Variants in DCAF16 observed in about 807,000 individuals in gnomAD.
The protein encoded by DCAF16 is DDB1 and CUL4 associated factor 16, also known as DDB1- and CUL4-associated factor 16.
DCAF16 carries 10 observed loss-of-function variants against 17.3 expected under a neutral mutation model. The observed-to-expected ratio is 0.58, with a 90% confidence interval of 0.36 to 0.98. The LOEUF is 0.98. DCAF16 is among the 50% of genes least tolerant of loss of function. The pLI, the probability that DCAF16 is intolerant of heterozygous loss-of-function variation, is 0.01. For synonymous variants in DCAF16, 111 were observed against 92.8 expected (o/e 1.20, Z -1.12); for missense variants, 249 against 247.6 (o/e 1.01, Z -0.04).
intron 1 of DCAF16, among the ~76,000 whole-genome samples, chr4:17,807,891 G>A (rs1201803392): frequency 6.6e-6 from 1 of 152,186 alleles, no homozygotes; most frequent in African/African-American, 2.4e-5. Context: ...ATGGCTTCAG[G>A]TCAGCAATTT....
rs1219317942 is a variant in DCAF16, at chr4:17,805,117, G to C, written c.-641C>G. 1 of 145,024 alleles carries C rather than the reference G, an allele frequency of 6.9e-6. No individual in the cohort carries two copies. Among genetic ancestry groups the C allele is most frequent in the Non-Finnish European group, 1.5e-5 (1 of 66,934 alleles). The allele number at this position is 145,024 out of a possible 1,614,324, so 9.0% of individuals were successfully genotyped here. A position where few individuals can be genotyped will look rare whatever the true frequency, so the allele number is the denominator to read the frequency against. On this transcript the variant is annotated 5_prime_UTR_variant, in exon 2 of 3. Coordinates refer to ENST00000382247, the MANE Select transcript of DCAF16 (RefSeq NM_017741.4). ...TTTTTTTTTTTTTACCTTCAGAGGT[G>C]CTTGTTGGAATTAGTTTTAGGGGGC...
In DCAF16 at chr4:17,802,290, T is replaced by C. The variant is rs1719864601; in HGVS notation, c.*1201A>G. The C allele has an allele frequency of 6.6e-6, 1 of 152,588 alleles. No individual in the cohort carries two copies. Among genetic ancestry groups the C allele is most frequent in the South Asian group, 2.1e-4 (1 of 4,832 alleles). The allele number at this position is 152,588 out of a possible 1,614,324, so 9.5% of individuals were successfully genotyped here. A position where few individuals can be genotyped will look rare whatever the true frequency, so the allele number is the denominator to read the frequency against. On this transcript the variant is annotated 3_prime_UTR_variant, in exon 3 of 3. Coordinates refer to ENST00000382247, the MANE Select transcript of DCAF16 (RefSeq NM_017741.4). ...CATCTTTTGAAATGTTATTTACTCT[T>C]GACAAAAGTCTGAGTACCAAGATTC...
chr4:17,797,649 C>A (rs1719489718), downstream of DCAF16, among the ~76,000 whole-genome samples: 1 of 152,200 alleles, frequency 6.6e-6, no homozygotes, highest in Non-Finnish European at 1.5e-5. Flanking sequence ...AGTGGCTGCA[C>A]CCTTCTTTCA....
rs1046897035 is a variant in DCAF16, at chr4:17,800,887, C to T, written c.*2604G>A. ...AAACAAAAAAAAAGGAAACAGTTTCCTGTAACATTTTAGAAACCAGTTTCA... is the reference window on the plus strand; with the variant it reads ...AAACAAAAAAAAAGGAAACAGTTTCTTGTAACATTTTAGAAACCAGTTTCA... On this transcript the variant is annotated 3_prime_UTR_variant, in exon 3 of 3. Transcript: ENST00000382247. 3 of 152,560 alleles carry T rather than the reference C, an allele frequency of 2.0e-5. No individual in the cohort carries two copies. The highest frequency in any genetic ancestry group is 4.4e-5 in the Non-Finnish European group (3 of 68,018). 9.5% of individuals were successfully genotyped at this position (152,560 alleles called of 1,614,324 possible). A position where few individuals can be genotyped will look rare whatever the true frequency, so the allele number is the denominator to read the frequency against.
At chr4:17,809,632 GGA>G (rs2109033158) in intron 1 of DCAF16, 1 of 152,262 alleles carries the variant, frequency 6.6e-6, no homozygotes, top group South Asian at 2.1e-4. Context: ...CTGAGGTGTA[GGA>G]GAGGGAAAAA....
At chr4:17,809,646 G>T (rs1044431882) in intron 1 of DCAF16, 1 of 152,032 alleles carries the variant, frequency 6.6e-6, no homozygotes, top group African/African-American at 2.4e-5. Flanking sequence ...AGGGAAAAAC[G>T]GCTTCCCTCC....
At chr4:17,796,687 C>A (rs1719443692), downstream of DCAF16, among the ~76,000 whole-genome samples, 1 of 152,156 alleles carries the variant, frequency 6.6e-6, no homozygotes, top group Non-Finnish European at 1.5e-5. Flanking sequence ...AGCCTGGCGA[C>A]AGGGTGAGTC....
At position 17,804,554 on chromosome 4, in the gene DCAF16, A is replaced by G. The variant is rs1029632694; in HGVS notation, c.-413T>C. On this transcript the variant is annotated 5_prime_UTR_variant, in exon 3 of 3. Coordinates refer to ENST00000382247, the MANE Select transcript of DCAF16 (RefSeq NM_017741.4). Reference sequence around the variant, plus strand: ...TTTGTGCTGTTTTGCTGGCAGTGATATTATATCTACTTGACAATCAAAAGA... The same window carrying G: ...TTTGTGCTGTTTTGCTGGCAGTGATGTTATATCTACTTGACAATCAAAAGA... The G allele has an allele frequency of 5.1e-6, 1 of 195,066 alleles. No homozygotes were observed. Among genetic ancestry groups the G allele is most frequent in the Non-Finnish European group, 1.2e-5 (1 of 84,810 alleles). 12.1% of individuals were successfully genotyped at this position (195,066 alleles called of 1,614,324 possible).
At position 17,803,757 on chromosome 4, in the gene DCAF16, TA is replaced by T. The variant is rs887651598; in HGVS notation, c.384del (p.Thr129GlnfsTer13). ...SCGVPPFQKP[L>X]TSPSRLSRDH... is the part of the protein sequence containing the mutation. ...TCTCTAGAGAGCCGGCTGGGACTTG[TA>T]AGAGGCTTTTGAAAAGGTGGGACTC... is the stretch of plus-strand genomic sequence containing the variant. On this transcript the variant is annotated frameshift_variant, in exon 3 of 3. Coordinates refer to ENST00000382247, the MANE Select transcript of DCAF16 (RefSeq NM_017741.4). LOFTEE classifies it high-confidence loss of function. 1.2e-6 allele frequency: 2 copies of T among 1,613,956 alleles called. No homozygotes were observed. The highest frequency in any genetic ancestry group is 2.7e-5 in the African/African-American group (2 of 74,868).
Position 17,810,660 on chromosome 4 carries a change from C to G in DCAF16, c.-963G>C, listed in dbSNP as rs1049423113. The G allele has an allele frequency of 6.3e-6, 1 of 159,950 alleles. No homozygotes were observed. Among genetic ancestry groups the G allele is most frequent in the African/African-American group, 2.4e-5 (1 of 41,842 alleles). The allele number at this position is 159,950 out of a possible 1,614,324, so 9.9% of individuals were successfully genotyped here. ...GAGGATCGCTTTTTCTTTCTAGCCT[C>G]ACGCTCAGCCGCACGACCCAGCCAG... On this transcript the variant is annotated 5_prime_UTR_variant, in exon 1 of 3. Transcript: ENST00000382247.
chr4:17,803,908 A>T lies in DCAF16; in HGVS notation c.234T>A (p.Ala78=). ...PLNPNSWLYH[A]KLLDPSTPVH... Reference sequence around the variant, plus strand: ...CTGGTGTGCTTGGATCCAACAGTTTAGCATGATACAACCAGGAATTAGGAT... The same window carrying T: ...CTGGTGTGCTTGGATCCAACAGTTTTGCATGATACAACCAGGAATTAGGAT... The change falls in exon 3 of 3, where the codon GCT becomes GCA. Residue 78 remains alanine (A), a synonymous_variant. Transcript: ENST00000382247. 6.2e-7 allele frequency: 1 copy of T among 1,614,216 alleles called. No individual in the cohort carries two copies. The highest frequency in any genetic ancestry group is 8.5e-7 in the Non-Finnish European group (1 of 1,180,040).
intron 1 of DCAF16, among the ~76,000 whole-genome samples, chr4:17,810,185 C>A (rs748636458): frequency 3.9e-5 from 6 of 152,146 alleles, no homozygotes; most frequent in South Asian, 4.1e-4. Flanking sequence ...AATTTAAAAA[C>A]CTAGTTCCTA....
chr4:17,798,940 T>C (rs1719563832), downstream of DCAF16, among the ~76,000 whole-genome samples: 1 of 152,234 alleles, frequency 6.6e-6, no homozygotes, highest in African/African-American at 2.4e-5. Flanking sequence ...GTCCAGCTAA[T>C]GTAACTCCCT....
rs147019528 is a variant in DCAF16 at position 17,804,311 on chromosome 4, G to T, written c.-170C>A. 6.3e-6 allele frequency: 4 copies of T among 630,016 alleles called. No individual in the cohort carries two copies. Among genetic ancestry groups the T allele is most frequent in the African/African-American group, 5.5e-5 (3 of 54,060 alleles). 39.0% of individuals were successfully genotyped at this position (630,016 alleles called of 1,614,324 possible). On this transcript the variant is annotated 5_prime_UTR_variant, in exon 3 of 3. Coordinates refer to ENST00000382247, the MANE Select transcript of DCAF16 (RefSeq NM_017741.4). ...TGCTTGTGGCCCATACCACTGTGCC[G>T]TTCTTCAAGATTATGTTGTATATTC...
downstream of DCAF16, among the ~76,000 whole-genome samples, chr4:17,796,306 GTGA>G (rs1719424179): frequency 6.6e-6 from 1 of 152,148 alleles, no homozygotes; most frequent in Admixed American, 6.5e-5. Context: ...AACCTTTTCT[GTGA>G]TGAAGAATGG....
chr4:17,794,860 T>C, the DCAF16 span, among the ~76,000 whole-genome samples: 1 of 152,214 alleles, frequency 6.6e-6, no homozygotes, highest in Non-Finnish European at 1.5e-5. Flanking sequence ...TTATACACTT[T>C]CCATTGTACT....
At position 17,804,338 on chromosome 4, in the gene DCAF16, T is replaced by A; in HGVS notation, c.-197A>T. 1 of 599,298 alleles carries A rather than the reference T, an allele frequency of 1.7e-6. No individual in the cohort carries two copies. Among genetic ancestry groups the A allele is most frequent in the South Asian group, 2.1e-5 (1 of 47,210 alleles). The allele number at this position is 599,298 out of a possible 1,614,324, so 37.1% of individuals were successfully genotyped here. Reference sequence around the variant, plus strand: ...TCTTCAAGATTATGTTGTATATTCTTCACTTACAAAGAAGACATCTCAGTT... The same window carrying A: ...TCTTCAAGATTATGTTGTATATTCTACACTTACAAAGAAGACATCTCAGTT... On this transcript the variant is annotated 5_prime_UTR_variant, in exon 3 of 3. Transcript: ENST00000382247.
intron 1 of DCAF16, chr4:17,809,836 C>G (rs1310227589): frequency 6.6e-6 from 1 of 152,112 alleles, no homozygotes; most frequent in African/African-American, 2.4e-5. Context: ...GGATGGTGGC[C>G]ACAAAGTTGT....
At chr4:17,796,360 A>T (rs1338918178), downstream of DCAF16, among the ~76,000 whole-genome samples, 2 of 148,796 alleles carry the variant, frequency 1.3e-5, no homozygotes, top group Non-Finnish European at 3.0e-5. Context: ...TTTTGTTTTT[A>T]AAGAGTGATA....
Sources: allele counts gnomAD v4.1 joint callset (sites outside exome capture counted in the v4.1 genomes callset), GRCh38; gene constraint gnomAD v4.1.1; transcripts MANE v1.5; gene names NCBI Gene and HGNC (gene_info 2026-07-23, HGNC 2026-07-21).